The following MYOZ3 variants were observed in gnomAD, a reference collection of about 807,000 sequenced individuals.
The protein encoded by MYOZ3 is myozenin 3, also known as myozenin-3.
A neutral mutation model predicts 26.5 loss-of-function variants in MYOZ3; 19 were observed. That is an observed-to-expected ratio of 0.72 (90% CI 0.50 to 1.05). The LOEUF (loss-of-function observed/expected upper bound fraction) is 1.05. Ranked by LOEUF, MYOZ3 falls within the 50% of genes least tolerant of loss-of-function variation. The probability of loss-of-function intolerance (pLI) is 0.00; values close to 1 mark genes in which losing one functional copy is unlikely to be tolerated. For synonymous variants in MYOZ3, 135 were observed against 138.8 expected, an observed-to-expected ratio of 0.97 and a Z score of 0.19; for missense variants, 322 against 337.1, an observed-to-expected ratio of 0.96 and a Z score of 0.35.
At chr5:150,665,773 C>T (rs1042295519) in intron 2 of MYOZ3, among the ~76,000 whole-genome samples, 7 of 151,478 alleles carry the variant, frequency 4.6e-5, no homozygotes, top group African/African-American at 7.3e-5. Flanking sequence ...AGGTGGCTCA[C>T]GCCTGTAATC....
chr5:150,678,338 A>G lies in MYOZ3; in HGVS notation c.*1463A>G, dbSNP rs751219071. ...CGAGTGCCTCAGTGCTTGGGCTGGT[A>G]GTAGTTTCTCTACATATCTTATTTC... On this transcript the variant is annotated 3_prime_UTR_variant, in exon 7 of 7. Transcript: ENST00000517768. 3 of 152,220 alleles carry G rather than the reference A, an allele frequency of 2.0e-5. No individual in the cohort carries two copies. Among genetic ancestry groups the G allele is most frequent in the Non-Finnish European group, 4.4e-5 (3 of 68,046 alleles). 9.4% of individuals were successfully genotyped at this position (152,220 alleles called of 1,614,324 possible).
In MYOZ3 at chr5:150,677,072, C is replaced by T. The variant is rs76245815; in HGVS notation, c.*197C>T. ...ATTACCTGGGGATGTTGTTCCAAAT[C>T]CAGACAACTGGACTGTCCCAGACTT... On this transcript the variant is annotated 3_prime_UTR_variant, in exon 7 of 7. Coordinates refer to ENST00000517768, the MANE Select transcript of MYOZ3 (RefSeq NM_001122853.3). 5.9e-3 allele frequency: 3,400 copies of T among 578,898 alleles called. 131 individuals carry two copies. The East Asian group carries it at 0.085, about 14-fold the overall frequency. 35.9% of individuals were successfully genotyped at this position (578,898 alleles called of 1,614,324 possible).
At position 150,678,812 on chromosome 5, in the gene MYOZ3, T is replaced by C. The variant is rs895377685; in HGVS notation, c.*1937T>C. On this transcript the variant is annotated 3_prime_UTR_variant, in exon 7 of 7. Transcript: ENST00000517768. ...CAACTGCTGCTCTAGGCTGGAAAAGTTGTTCTTGCACTGGATGCAGCATGA... is the reference window on the plus strand; with the variant it reads ...CAACTGCTGCTCTAGGCTGGAAAAGCTGTTCTTGCACTGGATGCAGCATGA... The C allele has an allele frequency of 2.4e-4, 36 of 152,388 alleles. No homozygotes were observed. Among genetic ancestry groups the C allele is most frequent in the African/African-American group, 8.2e-4 (34 of 41,446 alleles). The allele number at this position is 152,388 out of a possible 1,614,324, so 9.4% of individuals were successfully genotyped here. A position where few individuals can be genotyped will look rare whatever the true frequency, so the allele number is the denominator to read the frequency against.
chr5:150,661,541 T>A, intron 1 of MYOZ3, 114 bp downstream of exon 1: 1 of 151,752 alleles, frequency 6.6e-6, no homozygotes, highest in East Asian at 1.9e-4. Flanking sequence ...ATCTAGGGAG[T>A]TTGGGGCCCC....
chr5:150,676,737 G>A lies in MYOZ3; in HGVS notation c.618G>A (p.Val206=), dbSNP rs184786791. ...CGGTGCCATTTGGAGGACCCCTCGT[G>A]GGGGGCACTTTTCCCAGGCCAGGCA... ...KTPVPFGGPL[V]GGTFPRPGTP... Residue 206 remains valine (V), a synonymous_variant, in exon 7 of 7, where the codon GTG becomes GTA. Transcript: ENST00000517768. 2.1e-5 allele frequency: 34 copies of A among 1,613,750 alleles called. No homozygotes were observed. The Admixed American group carries it at 4.3e-4, about 21-fold the overall frequency.
At chr5:150,663,527 A>G (rs762540549) in intron 2 of MYOZ3, among the ~76,000 whole-genome samples, 1 of 152,238 alleles carries the variant, frequency 6.6e-6, no homozygotes, top group Non-Finnish European at 1.5e-5. Context: ...GCCCATTTGA[A>G]TACAAAACTT....
chr5:150,670,406 A>G, intron 2 of MYOZ3, 78 bp from the exon 3 acceptor site: 1 of 1,427,058 alleles, frequency 7.0e-7, no homozygotes, highest in Non-Finnish European at 9.3e-7. Context: ...TACACACAGC[A>G]TGCCATGCTT....
At chr5:150,671,309 A>C in intron 3 of MYOZ3, 12 of 477,692 alleles carry the variant, frequency 2.5e-5, no homozygotes, top group East Asian at 7.7e-5. Flanking sequence ...CCTCTGAGGA[A>C]GAGATCTTCA....
At position 150,671,008 on chromosome 5, in the gene MYOZ3, T is replaced by C. The variant is rs144381487; in HGVS notation, c.216+370T>C. 7.8e-3 allele frequency: 1,299 copies of C among 166,928 alleles called. 19 individuals are homozygous for C. The highest frequency in any genetic ancestry group is 9.5e-3 in the Non-Finnish European group (746 of 78,424). 10.3% of individuals were successfully genotyped at this position (166,928 alleles called of 1,614,324 possible). On this transcript the variant is annotated intron_variant, in intron 3 of 6. Transcript: ENST00000517768. Reference sequence around the variant, plus strand: ...ATGGAAAATGTAGAATGCCCTTTTTTCTTCTTCCCACCGGAGAAAGGAAAG... The same window carrying C: ...ATGGAAAATGTAGAATGCCCTTTTTCCTTCTTCCCACCGGAGAAAGGAAAG...
At chr5:150,675,453 AC>A (rs1186800699) in intron 6 of MYOZ3, among the ~76,000 whole-genome samples, 1 of 151,798 alleles carries the variant, frequency 6.6e-6, no homozygotes, top group African/African-American at 2.4e-5. Context: ...GCTCACTGCA[AC>A]CTCTGCCTCT....
intron 6 of MYOZ3, among the ~76,000 whole-genome samples, chr5:150,674,533 T>C (rs1471450316): frequency 1.3e-5 from 2 of 152,204 alleles, no homozygotes; most frequent in Non-Finnish European, 2.9e-5. Flanking sequence ...AGCCTGTTCC[T>C]GTGAGGCCTG....
chr5:150,679,002 T>G lies in MYOZ3; in HGVS notation c.*2127T>G, dbSNP rs1047085518. On this transcript the variant is annotated 3_prime_UTR_variant, in exon 7 of 7. Coordinates refer to ENST00000517768, the MANE Select transcript of MYOZ3 (RefSeq NM_001122853.3). Reference sequence around the variant, plus strand: ...GTGGGATAGCGATTGCATTTTCCTTTTGCTCTGGAGTTTCACTCCCCTTCT... The same window carrying G: ...GTGGGATAGCGATTGCATTTTCCTTGTGCTCTGGAGTTTCACTCCCCTTCT... The G allele has an allele frequency of 1.6e-4, 25 of 152,518 alleles. No homozygotes were observed. The highest frequency in any genetic ancestry group is 6.0e-4 in the African/African-American group (25 of 41,572). The allele number at this position is 152,518 out of a possible 1,614,324, so 9.4% of individuals were successfully genotyped here. A position where few individuals can be genotyped will look rare whatever the true frequency, so the allele number is the denominator to read the frequency against.
intron 3 of MYOZ3, 79 bp downstream of exon 3, chr5:150,670,717 G>A: frequency 8.6e-6 from 12 of 1,398,176 alleles, no homozygotes; most frequent in Non-Finnish European, 1.2e-5. Context: ...CAAACGGTAA[G>A]CCAGGCTGAG....
chr5:150,663,282 C>T (rs1758763078), intron 2 of MYOZ3, among the ~76,000 whole-genome samples: 1 of 152,254 alleles, frequency 6.6e-6, no homozygotes, highest in African/African-American at 2.4e-5. Context: ...TCATCTAAGG[C>T]CTCACCTCAG....
intron 2 of MYOZ3, 151 bp downstream of exon 2, chr5:150,663,153 A>C: frequency 1.6e-6 from 1 of 628,958 alleles, no homozygotes; most frequent in East Asian, 3.2e-5. Context: ...TTTGCTGCCT[A>C]GGCTGGGAAG....
At position 150,661,439 on chromosome 5, in the gene MYOZ3, C is replaced by G. The variant is rs1320283088; in HGVS notation, c.-2+12C>G. 6.6e-6 allele frequency: 1 copy of G among 152,370 alleles called. No individual in the cohort carries two copies. The highest frequency in any genetic ancestry group is 1.9e-4 in the East Asian group (1 of 5,282). The allele number at this position is 152,370 out of a possible 1,614,324, so 9.4% of individuals were successfully genotyped here. A position where few individuals can be genotyped will look rare whatever the true frequency, so the allele number is the denominator to read the frequency against. On this transcript the variant is annotated intron_variant, in intron 1 of 6. Coordinates refer to ENST00000517768, the MANE Select transcript of MYOZ3 (RefSeq NM_001122853.3). The stretch of plus-strand genomic sequence containing the variant: ...TCCCATCCTCTCAGGTACCAGCATC[C>G]TAGGGGAGCTTGGGGAACTCAGGGG...
chr5:150,666,324 G>T (rs1052753045), intron 2 of MYOZ3, among the ~76,000 whole-genome samples: 1 of 151,702 alleles, frequency 6.6e-6, no homozygotes, highest in East Asian at 1.9e-4. Flanking sequence ...TTTTAATATA[G>T]AAATGGGGGC....
chr5:150,672,285 G>C (rs1430185534), intron 5 of MYOZ3, 55 bp from the exon 6 acceptor site: 17 of 1,551,030 alleles, frequency 1.1e-5, no homozygotes, highest in Non-Finnish European at 1.5e-5. Flanking sequence ...GGCGAGGTGG[G>C]GTTGGGGGCT....
intron 6 of MYOZ3, among the ~76,000 whole-genome samples, chr5:150,675,374 T>G: frequency 7.8e-6 from 1 of 128,980 alleles, no homozygotes; most frequent in South Asian, 2.1e-4. Context: ...TTCTTTTTCT[T>G]TTTTTTTCGC....
Sources: gnomAD v4.1 joint callset for allele counts (sites outside exome capture counted in the v4.1 genomes callset) on GRCh38, gnomAD v4.1.1 for gene constraint, MANE v1.5 for transcripts, NCBI Gene and HGNC (gene_info 2026-07-23, HGNC 2026-07-21) for gene names.